Variants in MAGI2 observed in about 807,000 individuals in gnomAD.
MAGI2 encodes the protein membrane associated guanylate kinase, WW and PDZ domain containing 2, also known as membrane-associated guanylate kinase, WW and PDZ domain-containing protein 2.
A neutral mutation model predicts 133.3 loss-of-function variants in MAGI2; 35 were observed. The ratio of observed to expected loss-of-function variants is 0.26; its 90% CI spans 0.20 to 0.35. MAGI2 has a LOEUF of 0.35. Ranked by LOEUF, MAGI2 falls within the 10% of genes least tolerant of loss-of-function variation. The pLI, the probability that MAGI2 is intolerant of heterozygous loss-of-function variation, is 1.00. For synonymous variants in MAGI2, 729 were observed against 710.6 expected (o/e 1.03, Z -0.41); for missense variants, 1,636 against 1,863.4 (o/e 0.88, Z 2.25).
intron 20 of MAGI2, among the ~76,000 whole-genome samples, chr7:78,114,262 A>G (rs1819642747): frequency 6.6e-6 from 1 of 152,224 alleles, no homozygotes; most frequent in Non-Finnish European, 1.5e-5. Context: ...TGATCAGTGA[A>G]AGTATCTTAG....
intron 21 of MAGI2, among the ~76,000 whole-genome samples, chr7:78,070,426 A>G (rs1388785342): frequency 2.7e-5 from 4 of 146,842 alleles, no homozygotes; most frequent in Non-Finnish European, 4.5e-5. Context: ...GTATATATAT[A>G]TGTGTATATA....
chr7:79,150,556 T>C (rs1020575171), intron 1 of MAGI2, among the ~76,000 whole-genome samples: 3 of 152,220 alleles, frequency 2.0e-5, no homozygotes, highest in Non-Finnish European at 4.4e-5. Flanking sequence ...ACTTTATCAA[T>C]ATATTTAATC....
At chr7:78,530,226 G>A (rs1248523444) in intron 3 of MAGI2, among the ~76,000 whole-genome samples, 2 of 151,624 alleles carry the variant, frequency 1.3e-5, no homozygotes, top group African/African-American at 2.4e-5. Context: ...AACTGTAGGT[G>A]ACAATGTGTC....
Position 78,482,899 on chromosome 7 carries a change from A to C in MAGI2, c.1045+6862T>G, listed in dbSNP as rs1024527843. Among the ~76,000 whole-genome samples, 22 of 132,616 alleles carry C rather than the reference A, an allele frequency of 1.7e-4. No homozygotes were observed. The East Asian group carries it at 2.0e-3, about 12-fold the overall frequency. 87.0% of individuals were successfully genotyped at this position (132,616 alleles called of 152,430 possible). On this transcript the variant is annotated intron_variant, in intron 6 of 21. Transcript: ENST00000354212. ...GAACTACACACACACACACACACAC[A>C]CACACACACACACACACACACACAC...
At chr7:78,801,887 C>T (rs1788090298) in intron 2 of MAGI2, among the ~76,000 whole-genome samples, 1 of 152,108 alleles carries the variant, frequency 6.6e-6, no homozygotes, top group African/African-American at 2.4e-5. Flanking sequence ...CTTGTTCATT[C>T]ATTAAATGTT....
intron 1 of MAGI2, among the ~76,000 whole-genome samples, chr7:79,009,683 C>G (rs147095981): frequency 1.6e-3 from 241 of 152,262 alleles, no homozygotes; most frequent in Non-Finnish European, 2.1e-3. Flanking sequence ...TTCAATCATT[C>G]TCCACTTTCC....
chr7:79,229,162 A>G (rs1216721575), intron 1 of MAGI2, among the ~76,000 whole-genome samples: 2 of 151,674 alleles, frequency 1.3e-5, no homozygotes, highest in African/African-American at 4.8e-5. Context: ...ACAACAACAT[A>G]AGACAGAAAA....
intron 20 of MAGI2, among the ~76,000 whole-genome samples, chr7:78,081,318 A>G (rs913267327): frequency 2.0e-5 from 3 of 152,196 alleles, no homozygotes; most frequent in African/African-American, 7.2e-5. Flanking sequence ...TATGTACCAG[A>G]CAGTCAACTG....
chr7:78,687,617 G>A (rs1024253473), intron 2 of MAGI2, among the ~76,000 whole-genome samples: 2 of 152,060 alleles, frequency 1.3e-5, no homozygotes, highest in African/African-American at 4.8e-5. Context: ...TTAAAAGGTT[G>A]CCATGACATC....
intron 1 of MAGI2, among the ~76,000 whole-genome samples, chr7:79,161,468 T>A (rs1250084302): frequency 1.3e-5 from 2 of 152,104 alleles, no homozygotes; most frequent in Non-Finnish European, 2.9e-5. Flanking sequence ...TGTGATGGAA[T>A]GTTATCCGAA....
intron 1 of MAGI2, among the ~76,000 whole-genome samples, chr7:79,352,873 G>A (rs1841779953): frequency 6.6e-6 from 1 of 152,008 alleles, no homozygotes; most frequent in South Asian, 2.1e-4. Context: ...TGGGAGCAGA[G>A]TGTTGCAAAT....
chr7:78,506,216 A>T (rs778228956), intron 4 of MAGI2, among the ~76,000 whole-genome samples: 2 of 152,136 alleles, frequency 1.3e-5, no homozygotes, highest in Non-Finnish European at 2.9e-5. Context: ...TTTAGAGGGT[A>T]GATTTTATAA....
At chr7:78,473,418 T>A (rs1401312588) in intron 6 of MAGI2, among the ~76,000 whole-genome samples, 1 of 152,128 alleles carries the variant, frequency 6.6e-6, no homozygotes, top group East Asian at 1.9e-4. Flanking sequence ...TGCTCATCTA[T>A]TTTTATATTT....
intron 1 of MAGI2, among the ~76,000 whole-genome samples, chr7:79,266,032 A>G (rs2129556806): frequency 6.6e-6 from 1 of 152,264 alleles, no homozygotes; most frequent in South Asian, 2.1e-4. Context: ...CTGCAAATTT[A>G]TTTATCTATT....
chr7:78,065,300 C>T (rs1341245291), intron 21 of MAGI2, among the ~76,000 whole-genome samples: 1 of 152,108 alleles, frequency 6.6e-6, no homozygotes, highest in Non-Finnish European at 1.5e-5. Flanking sequence ...TGGGGTGGAA[C>T]GCGGCCAGTG....
At chr7:79,393,612 C>T (rs911186932) in intron 1 of MAGI2, among the ~76,000 whole-genome samples, 2 of 152,142 alleles carry the variant, frequency 1.3e-5, no homozygotes, top group African/African-American at 4.8e-5. Context: ...AGTATATTAA[C>T]ATTTGGAAGC....
intron 1 of MAGI2, among the ~76,000 whole-genome samples, chr7:79,286,319 TGGA>T (rs1835995838): frequency 6.6e-6 from 1 of 152,060 alleles, no homozygotes; most frequent in African/African-American, 2.4e-5. Context: ...ATCACTGAGT[TGGA>T]TAGTATCCCC....
rs180902691 is a variant in MAGI2 at position 78,544,212 on chromosome 7, G to A, written c.539-22567C>T. ...GACTACAAGTTATTATCAACAGACA[G>A]CTGTTCAGCAACTGCTACAAAATGA... On this transcript the variant is annotated intron_variant, in intron 3 of 21. Coordinates refer to ENST00000354212, the MANE Select transcript of MAGI2 (RefSeq NM_012301.4). Among the ~76,000 whole-genome samples, 312 of 152,322 alleles carry A rather than the reference G, an allele frequency of 2.0e-3. 1 individual carries two copies. Among genetic ancestry groups the A allele is most frequent in the African/African-American group, 7.0e-3 (289 of 41,574 alleles).
chr7:79,273,737 C>T (rs1835040645), intron 1 of MAGI2, among the ~76,000 whole-genome samples: 1 of 151,718 alleles, frequency 6.6e-6, no homozygotes, highest in South Asian at 2.1e-4. Flanking sequence ...ATCTCCTTGC[C>T]CCCAAATTTC....
Sources: allele counts gnomAD v4.1 joint callset (sites outside exome capture counted in the v4.1 genomes callset), GRCh38; gene constraint gnomAD v4.1.1; transcripts MANE v1.5; gene names NCBI Gene and HGNC (gene_info 2026-07-23, HGNC 2026-07-21).